ARHGAP25: variants seen among roughly 807,000 people sequenced by gnomAD.
ARHGAP25 encodes rho GTPase-activating protein 25.
A neutral mutation model predicts 71.0 loss-of-function variants in ARHGAP25; 34 were observed. That is an observed-to-expected ratio of 0.48 (90% CI 0.36 to 0.64). ARHGAP25 has a LOEUF of 0.64. Ranked by LOEUF, ARHGAP25 falls within the 30% of genes least tolerant of loss-of-function variation. The pLI is 0.00. For synonymous variants in ARHGAP25, 282 were observed against 296.5 expected (o/e 0.95, Z 0.50); for missense variants, 706 against 805.1 (o/e 0.88, Z 1.49).
chr2:68,821,375 C>T lies in ARHGAP25; in HGVS notation c.1201-965C>T, dbSNP rs113671576. Among the ~76,000 whole-genome samples, 447 of 152,298 alleles carry T rather than the reference C, an allele frequency of 2.9e-3. 1 individual carries two copies. The highest frequency in any genetic ancestry group is 0.01 in the African/African-American group (430 of 41,560). On this transcript the variant is annotated intron_variant, in intron 9 of 10. Coordinates refer to ENST00000409202, the MANE Select transcript of ARHGAP25 (RefSeq NM_001007231.3). Reference sequence around the variant, plus strand: ...TCAGCCTCCCAAAGTGCTGGGATTACAGGCATCAGCCGCTGCACCCAGCCT... The same window carrying T: ...TCAGCCTCCCAAAGTGCTGGGATTATAGGCATCAGCCGCTGCACCCAGCCT...
At chr2:68,724,316 C>T (rs1291891705) in intron 2 of ARHGAP25, among the ~76,000 whole-genome samples, 3 of 152,204 alleles carry the variant, frequency 2.0e-5, no homozygotes, top group Non-Finnish European at 2.9e-5. Flanking sequence ...CCCCAACTCT[C>T]TAAACATCTG....
intron 1 of ARHGAP25, 159 bp downstream of exon 1, chr2:68,735,419 A>T: frequency 1.4e-6 from 1 of 726,986 alleles, no homozygotes; most frequent in South Asian, 1.7e-5. Context: ...GCCAGGTCCA[A>T]GTTCTAAAAT....
intron 4 of ARHGAP25, among the ~76,000 whole-genome samples, chr2:68,806,792 C>T (rs576903000): frequency 1.3e-4 from 20 of 152,184 alleles, no homozygotes; most frequent in South Asian, 2.1e-4. Context: ...TACTCTGTGA[C>T]GCCAGTGGAA....
chr2:68,715,783 A>G (rs147993335), intron 2 of ARHGAP25, among the ~76,000 whole-genome samples: 26 of 152,308 alleles, frequency 1.7e-4, no homozygotes, highest in African/African-American at 5.1e-4. Flanking sequence ...AGTTTGGTTT[A>G]GCAGTGAGGC....
intron 1 of ARHGAP25, among the ~76,000 whole-genome samples, chr2:68,739,752 A>G (rs925949696): frequency 6.6e-6 from 1 of 152,224 alleles, no homozygotes; most frequent in Non-Finnish European, 1.5e-5. Flanking sequence ...GGATTCTGTC[A>G]CAGAGGATGG....
chr2:68,749,015 A>G (rs183948621), intron 1 of ARHGAP25, among the ~76,000 whole-genome samples: 1 of 152,212 alleles, frequency 6.6e-6, no homozygotes, highest in East Asian at 1.9e-4. Context: ...AACTGTGATT[A>G]GAGGCGAGGA....
chr2:68,713,370 C>G (rs1313827301), intron 2 of ARHGAP25, among the ~76,000 whole-genome samples: 1 of 152,168 alleles, frequency 6.6e-6, no homozygotes, highest in African/African-American at 2.4e-5. Flanking sequence ...TGAGATTTTG[C>G]TGAAGTTGCT....
intron 2 of ARHGAP25, among the ~76,000 whole-genome samples, chr2:68,719,630 C>T (rs919647225): frequency 1.3e-5 from 2 of 152,022 alleles, no homozygotes; most frequent in Non-Finnish European, 2.9e-5. Context: ...ATTCAGCCTA[C>T]CACAACTTTG....
chr2:68,761,790 G>A (rs1676837588), intron 1 of ARHGAP25, among the ~76,000 whole-genome samples: 1 of 152,156 alleles, frequency 6.6e-6, no homozygotes, highest in Non-Finnish European at 1.5e-5. Context: ...TGGTGGAAAT[G>A]TTAAATGTTA....
chr2:68,775,777 GTATT>G (rs1677852029), intron 2 of ARHGAP25: 1 of 473,312 alleles, frequency 2.1e-6, no homozygotes, highest in Non-Finnish European at 4.2e-6. Context: ...TGTTCAGTAA[GTATT>G]TATTGAGCGT....
intron 1 of ARHGAP25, among the ~76,000 whole-genome samples, chr2:68,764,907 AC>A (rs2104351036): frequency 6.6e-6 from 1 of 152,126 alleles, no homozygotes; most frequent in South Asian, 2.1e-4. Flanking sequence ...ATCCTTCTTT[AC>A]TTTTACTTTC....
Position 68,787,818 on chromosome 2 carries a change from C to A in ARHGAP25, c.350-22C>A, listed in dbSNP as rs543341401. Reference sequence around the variant, plus strand: ...TGTTCTTATCACTCTAAGACCTTCACAAGTGCTAATTCTTCCTCCAGCCTC... The same window carrying A: ...TGTTCTTATCACTCTAAGACCTTCAAAAGTGCTAATTCTTCCTCCAGCCTC... On this transcript the variant is annotated intron_variant, in intron 3 of 10. Coordinates refer to ENST00000409202, the MANE Select transcript of ARHGAP25 (RefSeq NM_001007231.3). The A allele has an allele frequency of 3.1e-6, 5 of 1,595,476 alleles. No homozygotes were observed. In the Admixed American group the frequency reaches 8.3e-5, roughly 27 times the overall value.
At position 68,797,989 on chromosome 2, in the gene ARHGAP25, G is replaced by T. The variant is rs79842868; in HGVS notation, c.467-9284G>T. On this transcript the variant is annotated intron_variant, in intron 4 of 10. Transcript: ENST00000409202. ...CAAAGCTTCCTCTCACTTTTTTGTT[G>T]AACTCCCAAGTTCTTTCTTGAACAC... Among the ~76,000 whole-genome samples the T allele has an allele frequency of 3.8e-4, 58 of 151,992 alleles. No individual in the cohort carries two copies. The East Asian group carries it at 0.011, about 29-fold the overall frequency.
At position 68,745,019 on chromosome 2, in the gene ARHGAP25, T is replaced by C. The variant is rs1299698817; in HGVS notation, c.61+9759T>C. On this transcript the variant is annotated intron_variant, in intron 1 of 10. Transcript: ENST00000409202. ...AGAAAAACAAAAAAGGACACTTGAC[T>C]TAACTACGAAGACATACCTGAATGT... Among the ~76,000 whole-genome samples the C allele has an allele frequency of 2.0e-5, 3 of 152,348 alleles. No individual in the cohort carries two copies. The East Asian group carries it at 5.8e-4, about 29-fold the overall frequency.
At chr2:68,736,204 T>C (rs538627673) in intron 1 of ARHGAP25, among the ~76,000 whole-genome samples, 2 of 152,288 alleles carry the variant, frequency 1.3e-5, no homozygotes, top group South Asian at 2.1e-4. Context: ...AAGTGCTCCA[T>C]TGAAAAGTCA....
intron 1 of ARHGAP25, among the ~76,000 whole-genome samples, chr2:68,737,271 G>A (rs1235680050): frequency 1.3e-5 from 2 of 152,170 alleles, no homozygotes; most frequent in African/African-American, 4.8e-5. Context: ...CTGTGTCCAG[G>A]TGTAACTGTA....
intron 6 of ARHGAP25, 143 bp from the exon 7 acceptor site, chr2:68,816,146 A>T: frequency 2.7e-6 from 2 of 730,342 alleles, no homozygotes; most frequent in Non-Finnish European, 4.8e-6. Context: ...TTTTTTTTAA[A>T]CCCACAGAAC....
chr2:68,715,531 C>G (rs1674587984), intron 2 of ARHGAP25, among the ~76,000 whole-genome samples: 1 of 152,240 alleles, frequency 6.6e-6, no homozygotes, highest in African/African-American at 2.4e-5. Flanking sequence ...GGCGGTCGTG[C>G]TCTTGAAAAA....
intron 5 of ARHGAP25, among the ~76,000 whole-genome samples, chr2:68,807,888 G>A (rs17035963): frequency 0.29 from 44,502 of 152,020 alleles, 6,914 homozygotes; most frequent in East Asian, 0.45. Flanking sequence ...CTATATCCAA[G>A]GGCACCAGCG....
Sources: gnomAD v4.1 joint callset for allele counts (sites outside exome capture counted in the v4.1 genomes callset) on GRCh38, gnomAD v4.1.1 for gene constraint, MANE v1.5 for transcripts, NCBI Gene and HGNC (gene_info 2026-07-23, HGNC 2026-07-21) for gene names.